The following C10orf67 variants were observed in gnomAD, a reference collection of about 807,000 sequenced individuals.
The protein encoded by C10orf67 is chromosome 10 open reading frame 67.
Under a neutral mutation model 35.6 loss-of-function variants are expected in C10orf67, and 60 were observed. The observed-to-expected ratio is 1.68, with a 90% CI of 1.37 to 2.09. The LOEUF (loss-of-function observed/expected upper bound fraction) is 2.09, where lower values mean the gene tolerates loss of function less well. C10orf67 is among the 30% of genes most tolerant of loss of function. C10orf67 has a pLI of 0.00. For missense variants in C10orf67, 474 were observed against 330.2 expected (o/e 1.44, Z -3.38); for synonymous variants, 167 against 115.8 (o/e 1.44, Z -2.84).
At chr10:23,301,908 T>C (rs906524042) in intron 5 of C10orf67, among the ~76,000 whole-genome samples, 20 of 152,186 alleles carry the variant, frequency 1.3e-4, no homozygotes, top group African/African-American at 3.9e-4. Flanking sequence ...ATGGCAAGCC[T>C]TTAGCCTGAT....
intron 4 of C10orf67, among the ~76,000 whole-genome samples, chr10:23,304,406 G>C (rs1844198183): frequency 6.6e-6 from 1 of 152,120 alleles, no homozygotes; most frequent in Non-Finnish European, 1.5e-5. Context: ...TCCCTTCCTA[G>C]CCTTCATCCA....
chr10:23,258,551 C>A, intron 10 of C10orf67: 1 of 169,104 alleles, frequency 5.9e-6, no homozygotes, highest in Admixed American at 5.7e-5. Flanking sequence ...ACGACTAGCA[C>A]CACCTCAGCC....
chr10:23,307,792 A>AT (rs1346905255), intron 4 of C10orf67, among the ~76,000 whole-genome samples: 2 of 151,502 alleles, frequency 1.3e-5, no homozygotes, highest in African/African-American at 2.4e-5. Context: ...AATATGTGTA[A>AT]TTTTTTTGCA....
In C10orf67 at chr10:23,299,029, C is replaced by G. The variant is rs541742666; in HGVS notation, c.702+4275G>C. The stretch of plus-strand genomic sequence containing the variant: ...TCAAAGGCAAACAAGAATTGAGAGT[C>G]AGGATGTACAAGGATGCAGAAAAAG... On this transcript the variant is annotated intron_variant, in intron 5 of 15. Transcript: ENST00000636213. Among the ~76,000 whole-genome samples the G allele has an allele frequency of 1.4e-4, 21 of 152,218 alleles. No individual in the cohort carries two copies. The South Asian group carries it at 4.4e-3, about 32-fold the overall frequency.
chr10:23,311,699 G>A lies in C10orf67; in HGVS notation c.547-8240C>T, dbSNP rs544020010. Reference sequence around the variant, plus strand: ...GCACTCCAGCCTGGGCAACAAGAGCGAAACTCCATCTCAAAGAAAAAAAAA... The same window carrying A: ...GCACTCCAGCCTGGGCAACAAGAGCAAAACTCCATCTCAAAGAAAAAAAAA... On this transcript the variant is annotated intron_variant, in intron 4 of 15. Transcript: ENST00000636213. Among the ~76,000 whole-genome samples the A allele has an allele frequency of 1.2e-4, 16 of 132,876 alleles. No homozygotes were observed. The South Asian group carries it at 2.2e-3, about 18-fold the overall frequency. 87.2% of individuals were successfully genotyped at this position (132,876 alleles called of 152,430 possible).
intron 15 of C10orf67, among the ~76,000 whole-genome samples, 177 bp from the exon 16 acceptor site, chr10:23,204,432 C>A (rs544870867): frequency 2.6e-5 from 4 of 152,162 alleles, no homozygotes; most frequent in Non-Finnish European, 5.9e-5. Flanking sequence ...GGAGGTAGGG[C>A]AGGCAGGCAG....
chr10:23,256,502 G>A (rs1842605606), intron 10 of C10orf67, among the ~76,000 whole-genome samples: 1 of 152,162 alleles, frequency 6.6e-6, no homozygotes, highest in African/African-American at 2.4e-5. Flanking sequence ...AGAGATGAGA[G>A]CCATGAACAG....
At chr10:23,309,667 T>A (rs1168651855) in intron 4 of C10orf67, among the ~76,000 whole-genome samples, 1 of 152,156 alleles carries the variant, frequency 6.6e-6, no homozygotes, top group East Asian at 1.9e-4. Flanking sequence ...GTCATCTTCA[T>A]CAGAGCATGT....
intron 2 of C10orf67, among the ~76,000 whole-genome samples, chr10:23,322,798 T>C (rs1364158358): frequency 6.6e-6 from 1 of 152,086 alleles, no homozygotes; most frequent in East Asian, 1.9e-4. Context: ...TTTACCTATG[T>C]AACAAACCTG....
intron 7 of C10orf67, among the ~76,000 whole-genome samples, chr10:23,287,413 G>A (rs1405125343): frequency 2.6e-5 from 4 of 152,150 alleles, no homozygotes; most frequent in African/African-American, 9.7e-5. Context: ...TGGGAAAACT[G>A]GCTAGCCATA....
intron 12 of C10orf67, among the ~76,000 whole-genome samples, chr10:23,247,311 T>C (rs1842341010): frequency 6.6e-6 from 1 of 152,168 alleles, no homozygotes; most frequent in African/African-American, 2.4e-5. Context: ...TTATCTTTTA[T>C]ACCGCATTTT....
chr10:23,296,672 G>A (rs1460864001), intron 5 of C10orf67, among the ~76,000 whole-genome samples: 6 of 152,140 alleles, frequency 3.9e-5, no homozygotes, highest in African/African-American at 4.8e-5. Context: ...CATTAACATC[G>A]GAGCATGGGC....
intron 5 of C10orf67, among the ~76,000 whole-genome samples, chr10:23,291,697 T>C (rs1843724399): frequency 6.6e-6 from 1 of 152,068 alleles, no homozygotes; most frequent in Non-Finnish European, 1.5e-5. Context: ...AGTGCATGGC[T>C]AAGGAGGGGG....
chr10:23,246,785 A>T lies in C10orf67; in HGVS notation c.1346+3670T>A, dbSNP rs56330631. On this transcript the variant is annotated intron_variant, in intron 12 of 15. Coordinates refer to ENST00000636213, the MANE Select transcript of C10orf67 (RefSeq NM_001371909.1). ...AAACGTAAAAAATAAAAAGAAAAAA[A>T]CACAGACAAAAGCTTAAAGAATAAG... 7.3e-3 allele frequency among the ~76,000 whole-genome samples: 1,112 copies of T among 152,342 alleles called. 12 individuals carry two copies. Among genetic ancestry groups the T allele is most frequent in the African/African-American group, 0.025 (1,055 of 41,580 alleles).
chr10:23,304,944 A>G (rs1463722019), intron 4 of C10orf67, among the ~76,000 whole-genome samples: 1 of 152,130 alleles, frequency 6.6e-6, no homozygotes, highest in Non-Finnish European at 1.5e-5. Context: ...GCCCACTAAC[A>G]TGGTCCCCAT....
Position 23,322,617 on chromosome 10 carries a change from G to A in C10orf67, c.328-80C>T, listed in dbSNP as rs1403959862. 8 of 914,380 alleles carry A rather than the reference G, an allele frequency of 8.7e-6. No homozygotes were observed. In the East Asian group the frequency reaches 2.1e-4, roughly 24 times the overall value. The allele number at this position is 914,380 out of a possible 1,614,324, so 56.6% of individuals were successfully genotyped here. ...TACTGCATGTTGTCACTTGCTAAGT[G>A]GGAGCAAAATGATGAGAACTCATGT... On this transcript the variant is annotated intron_variant, in intron 2 of 15. Coordinates refer to ENST00000636213, the MANE Select transcript of C10orf67 (RefSeq NM_001371909.1).
chr10:23,255,640 A>C (rs112461223), intron 10 of C10orf67, among the ~76,000 whole-genome samples: 192 of 152,328 alleles, frequency 1.3e-3, no homozygotes, highest in African/African-American at 4.5e-3. Context: ...AACTTGTGAC[A>C]AGGTCACTTC....
chr10:23,322,805 C>G (rs2132345049), intron 2 of C10orf67, among the ~76,000 whole-genome samples: 1 of 152,048 alleles, frequency 6.6e-6, no homozygotes, highest in African/African-American at 2.4e-5. Context: ...ATGTAACAAA[C>G]CTGCATATGT....
chr10:23,261,358 G>A (rs572219998), intron 10 of C10orf67, among the ~76,000 whole-genome samples: 1 of 152,284 alleles, frequency 6.6e-6, no homozygotes, highest in Non-Finnish European at 1.5e-5. Flanking sequence ...TATTGTCCTG[G>A]CTGGAATGCA....
Sources: allele counts gnomAD v4.1 joint callset (sites outside exome capture counted in the v4.1 genomes callset), GRCh38; gene constraint gnomAD v4.1.1; transcripts MANE v1.5; gene names NCBI Gene and HGNC (gene_info 2026-07-23, HGNC 2026-07-21).